Variants in ADGRB3 observed in about 807,000 individuals in gnomAD.
The protein encoded by ADGRB3 is adhesion G protein-coupled receptor B3.
In ADGRB3, 37 loss-of-function variants were observed where a neutral mutation model predicts 193.4. The ratio of observed to expected loss-of-function variants is 0.19; its 90% CI spans 0.15 to 0.25. The LOEUF is 0.25. Among genes scored for constraint, ADGRB3 ranks in the 10% least tolerant of loss-of-function variants. ADGRB3 has a pLI of 1.00. For synonymous variants in ADGRB3, 690 were observed against 644.2 expected, an observed-to-expected ratio of 1.07 and a Z score of -1.08; for missense variants, 1,637 against 1,852.9, an observed-to-expected ratio of 0.88 and a Z score of 2.14.
At chr6:69,055,807 G>GT (rs146027329) in intron 15 of ADGRB3, among the ~76,000 whole-genome samples, 22,975 of 150,052 alleles carry the variant, frequency 0.15, 2,138 homozygotes, top group Middle Eastern at 0.24. Flanking sequence ...TTTTGTTTTT[G>GT]TTTTTTTTTG....
chr6:68,993,200 TAA>T, intron 10 of ADGRB3, among the ~76,000 whole-genome samples: 1 of 141,702 alleles, frequency 7.1e-6, no homozygotes, highest in African/African-American at 2.6e-5. Context: ...TGTTTTTTTT[TAA>T]AAAAAAAGCT....
intron 15 of ADGRB3, among the ~76,000 whole-genome samples, chr6:69,061,784 G>A (rs1771756966): frequency 2.3e-5 from 1 of 43,216 alleles, no homozygotes; most frequent in Non-Finnish European, 7.1e-5. Context: ...AATTAAAACA[G>A]CAGCATGTCC....
chr6:69,076,996 G>C (rs1208211142), intron 17 of ADGRB3, among the ~76,000 whole-genome samples: 1 of 151,748 alleles, frequency 6.6e-6, no homozygotes, highest in Non-Finnish European at 1.5e-5. Context: ...TTGAAACCTC[G>C]GACAATTTTC....
intron 17 of ADGRB3, among the ~76,000 whole-genome samples, chr6:69,126,941 G>A (rs780417605): frequency 6.6e-6 from 1 of 152,130 alleles, no homozygotes; most frequent in Non-Finnish European, 1.5e-5. Context: ...TTCCCTAGTA[G>A]AATATGAGAC....
chr6:68,971,199 G>A (rs953599528), intron 8 of ADGRB3, among the ~76,000 whole-genome samples: 1 of 152,092 alleles, frequency 6.6e-6, no homozygotes. Flanking sequence ...CGTCTGTATT[G>A]AACATGTACA....
At chr6:68,897,895 A>C (rs569112968) in intron 3 of ADGRB3, among the ~76,000 whole-genome samples, 75 of 149,342 alleles carry the variant, frequency 5.0e-4, no homozygotes, top group African/African-American at 1.8e-3. Flanking sequence ...AAAAAAGAAA[A>C]GCAGGAAAAC....
chr6:68,745,158 A>C (rs933469091), intron 3 of ADGRB3, among the ~76,000 whole-genome samples: 2 of 152,196 alleles, frequency 1.3e-5, no homozygotes, highest in African/African-American at 4.8e-5. Context: ...TCACAGCAGC[A>C]CTATTCACTG....
chr6:68,780,916 CTT>C (rs1766840385), intron 3 of ADGRB3, among the ~76,000 whole-genome samples: 1 of 152,104 alleles, frequency 6.6e-6, no homozygotes, highest in Non-Finnish European at 1.5e-5. Context: ...TTTAAAATGT[CTT>C]AATCACTGTC....
chr6:69,254,690 T>C (rs1766711815), intron 20 of ADGRB3, among the ~76,000 whole-genome samples: 1 of 151,838 alleles, frequency 6.6e-6, no homozygotes, highest in Non-Finnish European at 1.5e-5. Context: ...AAAATGCCTT[T>C]GTATTTCTTT....
intron 16 of ADGRB3, among the ~76,000 whole-genome samples, chr6:69,063,761 T>C (rs1195527265): frequency 6.6e-6 from 1 of 152,068 alleles, no homozygotes; most frequent in Non-Finnish European, 1.5e-5. Flanking sequence ...GCTTCAGATT[T>C]TGTTCAGTCC....
rs542445514 is a variant in ADGRB3, at chr6:68,732,067, T to C, written c.757+92635T>C. On this transcript the variant is annotated intron_variant, in intron 3 of 31. Coordinates refer to ENST00000370598, the MANE Select transcript of ADGRB3 (RefSeq NM_001704.3). ...GAATTAATTTTATTATTACATCTTA[T>C]AATAATGAAATAACTCCTTATTAAA... 1.9e-3 allele frequency among the ~76,000 whole-genome samples: 285 copies of C among 151,962 alleles called. 1 individual carries two copies. The highest frequency in any genetic ancestry group is 4.0e-3 in the Admixed American group (60 of 15,186).
intron 3 of ADGRB3, among the ~76,000 whole-genome samples, chr6:68,854,058 A>G (rs1206780114): frequency 1.3e-5 from 2 of 152,104 alleles, no homozygotes; most frequent in Non-Finnish European, 2.9e-5. Flanking sequence ...AAAAATGGCT[A>G]CTACCTCCTA....
intron 20 of ADGRB3, among the ~76,000 whole-genome samples, chr6:69,255,423 C>G (rs1186096352): frequency 6.6e-6 from 1 of 152,194 alleles, no homozygotes; most frequent in African/African-American, 2.4e-5. Context: ...GATGGTATCT[C>G]ATTGTGGTTT....
At position 68,784,435 on chromosome 6, in the gene ADGRB3, G is replaced by T. The variant is rs183378311; in HGVS notation, c.757+145003G>T. ...ATTATGTGATATACTTTTATTTAAA[G>T]AATTAAACTGCTATATAATTCCTAT... On this transcript the variant is annotated intron_variant, in intron 3 of 31. Coordinates refer to ENST00000370598, the MANE Select transcript of ADGRB3 (RefSeq NM_001704.3). 3.3e-5 allele frequency among the ~76,000 whole-genome samples: 5 copies of T among 152,140 alleles called. No homozygotes were observed. The East Asian group carries it at 9.6e-4, about 29-fold the overall frequency.
At chr6:69,233,011 C>T in intron 17 of ADGRB3, 3 of 454,958 alleles carry the variant, frequency 6.6e-6, no homozygotes, top group East Asian at 4.0e-5. Context: ...GCTGCTGTTC[C>T]TCGCATAGGG....
chr6:69,337,716 T>C (rs1198189870), intron 24 of ADGRB3, among the ~76,000 whole-genome samples: 1 of 152,184 alleles, frequency 6.6e-6, no homozygotes, highest in Non-Finnish European at 1.5e-5. Flanking sequence ...TCTCACAGGA[T>C]CTGCTGATCA....
At chr6:69,243,625 A>C (rs1220024556) in intron 20 of ADGRB3, among the ~76,000 whole-genome samples, 1 of 152,036 alleles carries the variant, frequency 6.6e-6, no homozygotes, top group African/African-American at 2.4e-5. Flanking sequence ...ACCAAAGGGA[A>C]TCCATTAATA....
chr6:69,087,203 T>C (rs1174574193), intron 17 of ADGRB3, among the ~76,000 whole-genome samples: 1 of 152,206 alleles, frequency 6.6e-6, no homozygotes, highest in African/African-American at 2.4e-5. Context: ...TGTTGTGAAC[T>C]TCAAATCTCA....
At chr6:69,017,662 G>GTAGATGGATAGATGGA (rs1288688425) in intron 12 of ADGRB3, among the ~76,000 whole-genome samples, 15 of 151,860 alleles carry the variant, frequency 9.9e-5, no homozygotes, top group Non-Finnish European at 1.9e-4. Flanking sequence ...AGATAAGTAG[G>GTAGATGGATAGATGGA]TAGATGGATA....
Sources: allele counts gnomAD v4.1 joint callset (sites outside exome capture counted in the v4.1 genomes callset), GRCh38; gene constraint gnomAD v4.1.1; transcripts MANE v1.5; gene names NCBI Gene and HGNC (gene_info 2026-07-23, HGNC 2026-07-21).